The following PPID variants were observed in gnomAD, a reference collection of about 807,000 sequenced individuals.
PPID encodes peptidyl-prolyl cis-trans isomerase D.
A neutral mutation model predicts 48.1 loss-of-function variants in PPID; 47 were observed. The ratio of observed to expected loss-of-function variants is 0.98; its 90% CI spans 0.77 to 1.25. PPID has a LOEUF of 1.25. PPID is among the 50% of genes most tolerant of loss of function. The pLI, the probability that PPID is intolerant of heterozygous loss-of-function variation, is 0.00. For missense variants in PPID, 429 were observed against 443.5 expected (o/e 0.97, Z 0.29); for synonymous variants, 163 against 148.8 (o/e 1.10, Z -0.69).
In PPID at chr4:158,709,566, T is replaced by A. The variant is rs1774741745; in HGVS notation, c.*170A>T. 3.9e-6 allele frequency: 2 copies of A among 516,618 alleles called. No homozygotes were observed. Among genetic ancestry groups the A allele is most frequent in the East Asian group, 3.3e-5 (1 of 30,720 alleles). The allele number at this position is 516,618 out of a possible 1,614,324, so 32.0% of individuals were successfully genotyped here. A position where few individuals can be genotyped will look rare whatever the true frequency, so the allele number is the denominator to read the frequency against. On this transcript the variant is annotated 3_prime_UTR_variant, in exon 10 of 10. Coordinates refer to ENST00000307720, the MANE Select transcript of PPID (RefSeq NM_005038.3). Reference sequence around the variant, plus strand: ...AACAAAACCACTTTACTTACTGTATTGTGACATGTTTATTAAGCATGAACC... The same window carrying A: ...AACAAAACCACTTTACTTACTGTATAGTGACATGTTTATTAAGCATGAACC...
Position 158,717,187 on chromosome 4 carries a change from C to G in PPID, c.347G>C (p.Gly116Ala), listed in dbSNP as rs1006795714. The G allele has an allele frequency of 3.1e-6, 5 of 1,609,906 alleles. No homozygotes were observed. The highest frequency in any genetic ancestry group is 2.2e-5 in the East Asian group (1 of 44,850). ...ENFHYKHDRE[G>A]LLSMANAGRN... ...GCCTGCATTTGCCATGCTCAGTAAA[C>G]CCTCCCGATCATGCTGTAGAAATAA... is the stretch of plus-strand genomic sequence containing the variant. The change falls in exon 4 of 10, where the codon GGT becomes GCT. Residue 116 changes from glycine to alanine, a missense_variant. By Grantham distance (60) the Gly-to-Ala change is moderately conservative (BLOSUM62 0). Transcript: ENST00000307720.
intron 7 of PPID, among the ~76,000 whole-genome samples, chr4:158,711,413 A>G (rs987078686): frequency 2.0e-5 from 3 of 150,718 alleles, no homozygotes; most frequent in Admixed American, 6.6e-5. Flanking sequence ...TTTTAGAGAC[A>G]GGGTTTCACC....
At chr4:158,718,931 G>A (rs113886791) in intron 3 of PPID, among the ~76,000 whole-genome samples, 45 of 152,290 alleles carry the variant, frequency 3.0e-4, no homozygotes, top group African/African-American at 9.6e-4. Context: ...GATGCTGGTC[G>A]CATTTAAAAA....
chr4:158,715,768 C>G, intron 4 of PPID, 84 bp from the exon 5 acceptor site: 1 of 1,435,534 alleles, frequency 7.0e-7, no homozygotes, highest in Non-Finnish European at 9.6e-7. Context: ...ATGTGCAGCA[C>G]TGTCCAATTC....
intron 7 of PPID, among the ~76,000 whole-genome samples, chr4:158,711,845 T>C (rs1316814878): frequency 1.3e-5 from 2 of 152,064 alleles, no homozygotes; most frequent in Admixed American, 6.5e-5. Context: ...CAAGGGCCTG[T>C]AGTCCCAGCT....
intron 9 of PPID, 148 bp from the exon 10 acceptor site, chr4:158,709,972 A>G: frequency 1.6e-6 from 1 of 610,196 alleles, no homozygotes; most frequent in Non-Finnish European, 2.8e-6. Context: ...GAGCAATCAC[A>G]CAAACACAGA....
chr4:158,709,856 C>A, intron 9 of PPID, 32 bp from the exon 10 acceptor site: 1 of 1,531,778 alleles, frequency 6.5e-7, no homozygotes, highest in Non-Finnish European at 9.0e-7. Flanking sequence ...TGAGTTATTT[C>A]TCAAAATATC....
intron 6 of PPID, among the ~76,000 whole-genome samples, chr4:158,714,493 C>T (rs1049741728): frequency 3.9e-5 from 6 of 151,914 alleles, no homozygotes; most frequent in East Asian, 1.9e-4. Flanking sequence ...AGGTAGGAAA[C>T]GTAAGAGATA....
chr4:158,719,165 T>C lies in PPID; in HGVS notation c.333+15A>G, dbSNP rs749061878. On this transcript the variant is annotated intron_variant, in intron 3 of 9. Coordinates refer to ENST00000307720, the MANE Select transcript of PPID (RefSeq NM_005038.3). ...ATCTTTTTATCAGCAATAACATGCATTTTCTCTACTTTACCTTGTAATGGA... is the reference window on the plus strand; with the variant it reads ...ATCTTTTTATCAGCAATAACATGCACTTTCTCTACTTTACCTTGTAATGGA... The C allele has an allele frequency of 4.0e-6, 6 of 1,500,072 alleles. No individual in the cohort carries two copies. Among genetic ancestry groups the C allele is most frequent in the Non-Finnish European group, 4.6e-6 (5 of 1,079,864 alleles). 92.9% of individuals were successfully genotyped at this position (1,500,072 alleles called of 1,614,324 possible).
At chr4:158,713,633 T>C (rs566047447) in intron 6 of PPID, among the ~76,000 whole-genome samples, 1 of 152,318 alleles carries the variant, frequency 6.6e-6, no homozygotes, top group Admixed American at 6.5e-5. Context: ...TGTGTTGATT[T>C]TGCATTGTCC....
At chr4:158,722,103 A>C (rs1285126474) in intron 1 of PPID, among the ~76,000 whole-genome samples, 1 of 152,220 alleles carries the variant, frequency 6.6e-6, no homozygotes, top group East Asian at 1.9e-4. Context: ...ATTTTATTCT[A>C]ATATTCAAAT....
chr4:158,722,935 CA>C (rs956311055), intron 1 of PPID, among the ~76,000 whole-genome samples: 3 of 152,170 alleles, frequency 2.0e-5, no homozygotes, highest in Admixed American at 6.5e-5. Flanking sequence ...GAAGTGCCAC[CA>C]AATCAGGAGG....
At chr4:158,716,400 T>A (rs1306576646) in intron 4 of PPID, among the ~76,000 whole-genome samples, 1 of 152,158 alleles carries the variant, frequency 6.6e-6, no homozygotes, top group African/African-American at 2.4e-5. Context: ...TTTGGGCTTA[T>A]TATCCTCATT....
chr4:158,723,261 G>C lies in PPID; in HGVS notation c.28C>G (p.Pro10Ala). 1.2e-6 allele frequency: 2 copies of C among 1,614,042 alleles called. No individual in the cohort carries two copies. Among genetic ancestry groups the C allele is most frequent in the Middle Eastern group, 1.6e-4 (1 of 6,062 alleles). Residue 10 changes from proline to alanine, a missense_variant, in exon 1 of 10, where the codon CCC (proline) becomes GCC (alanine). Pro to Ala is a conservative substitution (Grantham distance 27). Transcript: ENST00000307720. Reference sequence around the variant, plus strand: ...ACTCGAGGGTTACTGGGGTTGGAGGGCTTGGCTTGGGGGGACGGGTGCGAC... The same window carrying C: ...ACTCGAGGGTTACTGGGGTTGGAGGCCTTGGCTTGGGGGGACGGGTGCGAC... MSHPSPQAK[P>A]SNPSNPRVFF...
chr4:158,720,617 C>T (rs1774941257), intron 2 of PPID, among the ~76,000 whole-genome samples: 1 of 152,200 alleles, frequency 6.6e-6, no homozygotes, highest in Non-Finnish European at 1.5e-5. Flanking sequence ...CATATTTTGA[C>T]CACACTATCA....
chr4:158,719,304 G>T lies in PPID; in HGVS notation c.227-18C>A. Reference sequence around the variant, plus strand: ...CTTAATAACTACAAAAAAGGAAAATGGCTATTAGTGACTGAGACATGGATG... The same window carrying T: ...CTTAATAACTACAAAAAAGGAAAATTGCTATTAGTGACTGAGACATGGATG... On this transcript the variant is annotated intron_variant, in intron 2 of 9. Transcript: ENST00000307720. The T allele has an allele frequency of 6.7e-7, 1 of 1,494,188 alleles. No individual in the cohort carries two copies. Among genetic ancestry groups the T allele is most frequent in the Non-Finnish European group, 9.3e-7 (1 of 1,072,810 alleles). The allele number at this position is 1,494,188 out of a possible 1,614,324, so 92.6% of individuals were successfully genotyped here. A position where few individuals can be genotyped will look rare whatever the true frequency, so the allele number is the denominator to read the frequency against.
chr4:158,715,204 A>G, intron 6 of PPID, 93 bp downstream of exon 6: 2 of 1,073,000 alleles, frequency 1.9e-6, no homozygotes, highest in Non-Finnish European at 2.5e-6. Context: ...TTATTCCACA[A>G]GTAATTTGCA....
rs746604180 is a variant in PPID at position 158,710,844 on chromosome 4, A to G, written c.899T>C (p.Leu300Pro). The G allele has an allele frequency of 6.2e-7, 1 of 1,608,580 alleles. No homozygotes were observed. Among genetic ancestry groups the G allele is most frequent in the South Asian group, 1.1e-5 (1 of 90,688 alleles). The change falls in exon 8 of 10, where the codon CTT (leucine) becomes CCT (proline). Residue 300 changes from leucine (L) to proline (P), a missense_variant. By Grantham distance (98) the Leu-to-Pro change is moderately conservative. Transcript: ENST00000307720. ...QGAIDSCLEA[L>P]ELDPSNTKAL... ...TTTGGTATTTGATGGGTCTAGTTCA[A>G]GAGCCTACAAAAAAGTATAAAGCTA...
chr4:158,713,307 G>A (rs906085072), intron 6 of PPID, 47 bp from the exon 7 acceptor site: 11 of 1,496,574 alleles, frequency 7.4e-6, no homozygotes, highest in East Asian at 2.4e-5. Flanking sequence ...ACATAAACAG[G>A]AATTACTCTT....
Sources: allele counts gnomAD v4.1 joint callset (sites outside exome capture counted in the v4.1 genomes callset), GRCh38; gene constraint gnomAD v4.1.1; transcripts MANE v1.5; gene names NCBI Gene and HGNC (gene_info 2026-07-23, HGNC 2026-07-21).